Variants in RANBP2 observed in about 807,000 individuals in gnomAD.
The protein encoded by RANBP2 is RAN binding protein 2.
A neutral mutation model predicts 303.6 loss-of-function variants in RANBP2; 57 were observed. The observed-to-expected ratio is 0.19, with a 90% CI of 0.15 to 0.23. RANBP2 has a LOEUF of 0.23. Among genes scored for constraint, RANBP2 ranks in the 10% least tolerant of loss-of-function variants. RANBP2 has a pLI of 1.00. For missense variants in RANBP2, 3,138 were observed against 3,780.8 expected, an observed-to-expected ratio of 0.83 and a Z score of 4.46; for synonymous variants, 1,167 against 1,301.5, an observed-to-expected ratio of 0.90 and a Z score of 2.23.
chr2:109,559,892 T>C, the RANBP2 span, among the ~76,000 whole-genome samples: 1 of 151,402 alleles, frequency 6.6e-6, no homozygotes, highest in Non-Finnish European at 1.5e-5. Context: ...TCCAGACCTA[T>C]GTAGCCTCCA....
chr2:109,679,995 A>C, the RANBP2 span, among the ~76,000 whole-genome samples: 121 of 152,236 alleles, frequency 7.9e-4, no homozygotes, highest in East Asian at 0.019. Flanking sequence ...CGTGAAAGAC[A>C]GCGGGCAGTT....
chr2:109,560,859 C>G, the RANBP2 span, among the ~76,000 whole-genome samples: 2 of 152,098 alleles, frequency 1.3e-5, no homozygotes, highest in Admixed American at 6.6e-5. Flanking sequence ...ATCCAAACAA[C>G]CACTAAGTTC....
At chr2:108,721,936 T>C (rs12472561) in intron 1 of RANBP2, among the ~76,000 whole-genome samples, 4 of 151,234 alleles carry the variant, frequency 2.6e-5, no homozygotes, top group Non-Finnish European at 4.4e-5. Flanking sequence ...CGGGGTCTTA[T>C]CATGTTACCC....
chr2:108,811,654 T>A, the RANBP2 span, among the ~76,000 whole-genome samples: 23 of 152,306 alleles, frequency 1.5e-4, no homozygotes, highest in African/African-American at 5.5e-4. Context: ...CATGTGCAGC[T>A]TTGTTACATG....
the RANBP2 span, among the ~76,000 whole-genome samples, chr2:109,363,008 T>C: frequency 6.6e-6 from 1 of 152,214 alleles, no homozygotes; most frequent in Admixed American, 6.5e-5. Context: ...TTTTATTTTA[T>C]CAACTTAAAA....
chr2:109,086,933 G>A, the RANBP2 span, among the ~76,000 whole-genome samples: 2 of 152,188 alleles, frequency 1.3e-5, no homozygotes, highest in Non-Finnish European at 2.9e-5. Flanking sequence ...CACAAGGGGC[G>A]ATACTAAGCT....
the RANBP2 span, among the ~76,000 whole-genome samples, chr2:109,184,404 A>G: frequency 6.6e-6 from 1 of 152,212 alleles, no homozygotes; most frequent in Non-Finnish European, 1.5e-5. Context: ...TCAGGTGATG[A>G]AAGCAGATAT....
Position 108,781,315 on chromosome 2 carries a change from ACAGT to A in RANBP2, c.8652_8655del (p.Val2885GlufsTer19). On this transcript the variant is annotated frameshift_variant, in exon 26 of 29. Coordinates refer to ENST00000283195, the MANE Select transcript of RANBP2 (RefSeq NM_006267.5). LOFTEE classifies it high-confidence loss of function. The stretch of plus-strand genomic sequence containing the variant: ...ATACTGGAGCAGCTGTGTTTGGAAC[ACAGT>A]CAGTCGGAACCCAGTCAGCCGGTAA... 1.2e-6 allele frequency: 2 copies of A among 1,614,226 alleles called. No individual in the cohort carries two copies. Among genetic ancestry groups the A allele is most frequent in the Non-Finnish European group, 1.7e-6 (2 of 1,180,038 alleles).
the RANBP2 span, among the ~76,000 whole-genome samples, chr2:108,833,325 C>T: frequency 6.6e-6 from 1 of 152,186 alleles, no homozygotes; most frequent in Non-Finnish European, 1.5e-5. Flanking sequence ...ATGGAAGGTA[C>T]TGGCAGGTGG....
At chr2:108,721,188 G>C (rs1382076572) in intron 1 of RANBP2, among the ~76,000 whole-genome samples, 1 of 152,200 alleles carries the variant, frequency 6.6e-6, no homozygotes, top group East Asian at 1.9e-4. Context: ...ATTGAGACCT[G>C]TAGAGATTTA....
the RANBP2 span, among the ~76,000 whole-genome samples, chr2:109,108,216 T>G: frequency 6.6e-6 from 1 of 152,130 alleles, no homozygotes; most frequent in Admixed American, 6.5e-5. Context: ...AATTTTTGTG[T>G]TTTTAGTAGA....
the RANBP2 span, among the ~76,000 whole-genome samples, chr2:109,466,087 T>TTG: frequency 7.1e-6 from 1 of 141,468 alleles, no homozygotes; most frequent in East Asian, 2.0e-4. Context: ...TTTTTTTTTT[T>TTG]TTTTTTTTTT....
the RANBP2 span, among the ~76,000 whole-genome samples, chr2:109,281,320 C>T: frequency 1.3e-5 from 2 of 152,208 alleles, no homozygotes; most frequent in Non-Finnish European, 2.9e-5. Context: ...CTCTTCCTTC[C>T]CCGGGCCCCC....
At chr2:108,922,323 C>A in the RANBP2 span, among the ~76,000 whole-genome samples, 1 of 152,254 alleles carries the variant, frequency 6.6e-6, no homozygotes, top group Non-Finnish European at 1.5e-5. Flanking sequence ...GCTGGCTTCA[C>A]CATGAGTCAG....
chr2:108,938,639 C>T, the RANBP2 span, among the ~76,000 whole-genome samples: 1 of 151,752 alleles, frequency 6.6e-6, no homozygotes, highest in African/African-American at 2.4e-5. Flanking sequence ...GTCGAACTGA[C>T]AAGCTTGGAG....
chr2:108,803,846 G>A, the RANBP2 span, among the ~76,000 whole-genome samples: 2 of 152,156 alleles, frequency 1.3e-5, no homozygotes, highest in South Asian at 2.1e-4. Flanking sequence ...TTATCCTGCT[G>A]TGCTAGAAAT....
chr2:109,070,597 C>T, the RANBP2 span, among the ~76,000 whole-genome samples: 6 of 152,114 alleles, frequency 3.9e-5, no homozygotes, highest in South Asian at 2.1e-4. Context: ...CCGTGGCTCA[C>T]GCCTGTGATC....
the RANBP2 span, among the ~76,000 whole-genome samples, chr2:108,987,786 G>A: frequency 2.0e-5 from 3 of 152,188 alleles, no homozygotes; most frequent in Non-Finnish European, 2.9e-5. Context: ...TCATCGGAAC[G>A]AACGCTTATT....
the RANBP2 span, among the ~76,000 whole-genome samples, chr2:109,082,939 C>T: frequency 6.6e-6 from 1 of 151,916 alleles, no homozygotes; most frequent in Admixed American, 6.6e-5. Context: ...CATTCTCCTG[C>T]CTCAGCCTCC....
Sources: allele counts gnomAD v4.1 joint callset (sites outside exome capture counted in the v4.1 genomes callset), GRCh38; gene constraint gnomAD v4.1.1; transcripts MANE v1.5; gene names NCBI Gene and HGNC (gene_info 2026-07-23, HGNC 2026-07-21).